CDH22: variants seen among roughly 807,000 people sequenced by gnomAD.
CDH22 encodes the protein cadherin 22, also known as cadherin-22.
CDH22 carries 30 observed loss-of-function variants against 58.4 expected under a neutral mutation model. The observed-to-expected ratio is 0.51, with a 90% CI of 0.38 to 0.70. The LOEUF (loss-of-function observed/expected upper bound fraction) is 0.70. Ranked by LOEUF, CDH22 falls within the 30% of genes least tolerant of loss-of-function variation. CDH22 has a pLI of 0.00. For missense variants in CDH22, 1,014 were observed against 1,233.9 expected, an observed-to-expected ratio of 0.82 and a Z score of 2.67; for synonymous variants, 513 against 558.2, an observed-to-expected ratio of 0.92 and a Z score of 1.14.
chr20:46,181,767 C>CTTTCTT (rs2085789876), intron 10 of CDH22, among the ~76,000 whole-genome samples: 1 of 123,518 alleles, frequency 8.1e-6, no homozygotes. Flanking sequence ...TTCTTTCTTT[C>CTTTCTT]TTTCTTTCTT....
intron 4 of CDH22, among the ~76,000 whole-genome samples, chr20:46,219,585 C>A (rs1478143259): frequency 2.0e-5 from 3 of 152,156 alleles, no homozygotes; most frequent in Non-Finnish European, 4.4e-5. Flanking sequence ...GCCTTAGTTC[C>A]AAAACTGTCT....
At chr20:46,304,390 A>G (rs942488303) in intron 1 of CDH22, among the ~76,000 whole-genome samples, 1 of 152,258 alleles carries the variant, frequency 6.6e-6, no homozygotes, top group African/African-American at 2.4e-5. Context: ...TTCACAACCC[A>G]ATGAGACAGG....
chr20:46,224,908 G>A (rs572656389), intron 4 of CDH22, among the ~76,000 whole-genome samples: 4 of 152,342 alleles, frequency 2.6e-5, no homozygotes, highest in East Asian at 1.9e-4. Flanking sequence ...AAGAAAGGGC[G>A]CAGGCTTTTG....
intron 8 of CDH22, among the ~76,000 whole-genome samples, chr20:46,192,424 TTC>T (rs758166131): frequency 6.6e-6 from 1 of 152,242 alleles, no homozygotes; most frequent in East Asian, 1.9e-4. Context: ...GCCTCTCTCT[TTC>T]TCTGTCTCTT....
rs780634106 is a variant in CDH22 at position 46,251,164 on chromosome 20, G to C, written c.131C>G (p.Pro44Arg). Residue 44 changes from proline to arginine, a missense_variant, in exon 2 of 12, where the codon CCG (proline) becomes CGG (arginine). Around this residue, in one of 2 missense-constraint regions of CDH22, gnomAD observed 806 missense variants for 1,038.7 expected, o/e 0.78. Coordinates refer to ENST00000537909, the MANE Select transcript of CDH22 (RefSeq NM_021248.3). The surrounding 1 kb of genome is among the most constrained non-coding windows in gnomAD (Gnocchi z 6.7). ...GTCCTGCCGAGCTCCGGGCGCCGAC[G>C]GCGAGGGTGTGCCCGCTGCCCACAG... is the stretch of plus-strand genomic sequence containing the variant. ...GRLWAAGTPSPSAPGARQDGA... is the reference protein window; with the variant it reads ...GRLWAAGTPSRSAPGARQDGA... 2 of 1,585,228 alleles carry C rather than the reference G, an allele frequency of 1.3e-6. No homozygotes were observed. Among genetic ancestry groups the C allele is most frequent in the Admixed American group, 3.5e-5 (2 of 56,924 alleles).
intron 10 of CDH22, among the ~76,000 whole-genome samples, chr20:46,180,719 C>T (rs1294521821): frequency 6.6e-6 from 1 of 152,076 alleles, no homozygotes; most frequent in Non-Finnish European, 1.5e-5. Flanking sequence ...TTCTTCCTTC[C>T]TTCCAACCAT....
Position 46,213,052 on chromosome 20 carries a change from A to G in CDH22, c.975T>C (p.Asp325=). ...HLKDESSSGG[D]VFKVTTDSDT... ...CGCTGTCTGTGGTGACCTTGAACAC[A>G]TCGCCGCCGCTGCTGCTCTCGTCCT... The change falls in exon 6 of 12, where the codon GAT becomes GAC. Residue 325 remains aspartate, a synonymous_variant. Coordinates refer to ENST00000537909, the MANE Select transcript of CDH22 (RefSeq NM_021248.3). 1 of 1,614,190 alleles carries G rather than the reference A, an allele frequency of 6.2e-7. No individual in the cohort carries two copies. Among genetic ancestry groups the G allele is most frequent in the Non-Finnish European group, 8.5e-7 (1 of 1,180,026 alleles).
rs577421615 is a variant in CDH22, at chr20:46,308,426, TGAGCGAGAGAGCGAGA to T, written c.-587_-572del. On this transcript the variant is annotated 5_prime_UTR_variant, in exon 1 of 12. Transcript: ENST00000537909. This position sits in a 1 kb window ranked among gnomAD's most constrained non-coding sequence, Gnocchi z 4.3. ...GCGGCGGCGTGTGCGCGCGTGTGTG[TGAGCGAGAGAGCGAGA>T]GAGCGAGAGAGCGAGGGAGTGAGCG... 5.6e-5 allele frequency: 12 copies of T among 215,046 alleles called. No homozygotes were observed. The highest frequency in any genetic ancestry group is 3.5e-4 in the South Asian group (2 of 5,722). 13.3% of individuals were successfully genotyped at this position (215,046 alleles called of 1,614,324 possible).
At position 46,210,249 on chromosome 20, in the gene CDH22, C is replaced by T. The variant is rs2086031110; in HGVS notation, c.1286+58G>A. On this transcript the variant is annotated intron_variant, in intron 7 of 11. Coordinates refer to ENST00000537909, the MANE Select transcript of CDH22 (RefSeq NM_021248.3). The surrounding 1 kb of genome is among the most constrained non-coding windows in gnomAD (Gnocchi z 4.5). ...TCCTCCCCTCTGCCCGCAGTCTGTC[C>T]GCGGGGGTGATGGCGGGATAGCAGG... The T allele has an allele frequency of 2.9e-6, 4 of 1,357,544 alleles. No individual in the cohort carries two copies. The highest frequency in any genetic ancestry group is 3.8e-6 in the Non-Finnish European group (4 of 1,058,464). 84.1% of individuals were successfully genotyped at this position (1,357,544 alleles called of 1,614,324 possible). A position where few individuals can be genotyped will look rare whatever the true frequency, so the allele number is the denominator to read the frequency against.
rs1014904384 is a variant in CDH22 at position 46,241,883 on chromosome 20, A to G, written c.256-626T>C. ...GTTAAAATGCAGATTCTGACTCAGT[A>G]GGTCTGGGGCCAGGCCTCAGACTTT... On this transcript the variant is annotated intron_variant, in intron 2 of 11. Transcript: ENST00000537909. This position sits in a 1 kb window ranked among gnomAD's most constrained non-coding sequence, Gnocchi z 5.2. 6.6e-6 allele frequency among the ~76,000 whole-genome samples: 1 copy of G among 152,150 alleles called. No individual in the cohort carries two copies. The highest frequency in any genetic ancestry group is 1.9e-4 in the East Asian group (1 of 5,186).
intron 2 of CDH22, among the ~76,000 whole-genome samples, chr20:46,248,685 T>A (rs1199995353): frequency 6.6e-6 from 1 of 152,050 alleles, no homozygotes; most frequent in Non-Finnish European, 1.5e-5. Context: ...TAGCTGGGCA[T>A]GGTGTAATCC....
intron 4 of CDH22, among the ~76,000 whole-genome samples, chr20:46,224,049 C>T (rs932347603): frequency 6.6e-6 from 1 of 152,028 alleles, no homozygotes; most frequent in Non-Finnish European, 1.5e-5. Flanking sequence ...GATCGGGTTT[C>T]ACCATGTTGG....
At chr20:46,207,819 A>G (rs2086012263) in intron 7 of CDH22, among the ~76,000 whole-genome samples, 1 of 152,182 alleles carries the variant, frequency 6.6e-6, no homozygotes, top group South Asian at 2.1e-4. Context: ...TATTTACACC[A>G]TACCCAGATA....
intron 1 of CDH22, among the ~76,000 whole-genome samples, chr20:46,277,073 G>C (rs1172054765): frequency 6.6e-6 from 1 of 151,834 alleles, no homozygotes; most frequent in Non-Finnish European, 1.5e-5. Flanking sequence ...AGGATTGCTT[G>C]AGCCCAGGAG....
At chr20:46,280,942 TC>T (rs1376820951) in intron 1 of CDH22, among the ~76,000 whole-genome samples, 1 of 152,226 alleles carries the variant, frequency 6.6e-6, no homozygotes. Flanking sequence ...AAGTAGGTTC[TC>T]AGGAAAGTCT....
At chr20:46,181,760 T>C (rs377566778) in intron 10 of CDH22, among the ~76,000 whole-genome samples, 2,620 of 30,572 alleles carry the variant, frequency 0.086, 32 homozygotes, top group African/African-American at 0.1. Context: ...TCCTTCTTTC[T>C]TTCTTTCTTT....
chr20:46,202,312 A>G (rs992507118), intron 7 of CDH22, among the ~76,000 whole-genome samples: 1 of 151,940 alleles, frequency 6.6e-6, no homozygotes, highest in African/African-American at 2.4e-5. Context: ...CTGTCACAGA[A>G]CTGAAATTTG....
intron 3 of CDH22, among the ~76,000 whole-genome samples, chr20:46,238,905 C>A (rs1450872310): frequency 6.6e-6 from 1 of 152,248 alleles, no homozygotes; most frequent in East Asian, 1.9e-4. Flanking sequence ...CTTCCATTGA[C>A]TTCTCAGCTT....
intron 3 of CDH22, among the ~76,000 whole-genome samples, chr20:46,234,767 T>C (rs1255963693): frequency 6.6e-6 from 1 of 152,246 alleles, no homozygotes; most frequent in Non-Finnish European, 1.5e-5. Context: ...AGACTCCTTC[T>C]CAATACAGCC....
Sources: gnomAD v4.1 joint callset for allele counts (sites outside exome capture counted in the v4.1 genomes callset) on GRCh38, gnomAD v4.1.1 for gene constraint, gnomAD v4.1.1 regional missense constraint, Gnocchi (gnomAD v3.1) non-coding constraint, MANE v1.5 for transcripts, NCBI Gene and HGNC (gene_info 2026-07-23, HGNC 2026-07-21) for gene names.